SHLD1: variants seen among roughly 807,000 people sequenced by gnomAD.
The protein encoded by SHLD1 is shieldin complex subunit 1.
In SHLD1, 3 loss-of-function variants were observed where a neutral mutation model predicts 5.5. The ratio of observed to expected loss-of-function variants is 0.54; its 90% confidence interval spans 0.25 to 1.40. The LOEUF (loss-of-function observed/expected upper bound fraction) is 1.40, where lower values mean the gene tolerates loss of function less well. Among genes scored for constraint, SHLD1 ranks in the 40% most tolerant of loss-of-function variants. The pLI is 0.15. For missense variants in SHLD1, 210 were observed against 244.4 expected (o/e 0.86, Z 0.94); for synonymous variants, 92 against 94.3 (o/e 0.98, Z 0.14).
intron 2 of SHLD1, chr20:5,773,399 A>G: frequency 5.5e-6 from 3 of 549,906 alleles, no homozygotes; most frequent in Non-Finnish European, 9.7e-6. Context: ...GAAAATAGCA[A>G]TGTGGGCCTG....
chr20:5,772,117 C>T (rs1985200947), intron 1 of SHLD1: 2 of 438,308 alleles, frequency 4.6e-6, no homozygotes, highest in Non-Finnish European at 9.2e-6. Flanking sequence ...CTCAGGTGAT[C>T]CACCCACCTC....
intron 1 of SHLD1, among the ~76,000 whole-genome samples, chr20:5,768,515 C>T (rs1709803947): frequency 6.6e-6 from 1 of 152,216 alleles, no homozygotes; most frequent in African/African-American, 2.4e-5. Flanking sequence ...TGACATTCAC[C>T]TTTGTGTTCC....
chr20:5,777,601 A>T (rs6139827), intron 2 of SHLD1, among the ~76,000 whole-genome samples: 74,513 of 137,806 alleles, frequency 0.54, 18,624 homozygotes, highest in African/African-American at 0.6. Context: ...AAAAAATTTT[A>T]TTTTTTTTTT....
chr20:5,769,413 G>C (rs1252826589), intron 1 of SHLD1, among the ~76,000 whole-genome samples: 1 of 152,196 alleles, frequency 6.6e-6, no homozygotes, highest in African/African-American at 2.4e-5. Flanking sequence ...ATCAATAGCA[G>C]GGGAAAGTAC....
At chr20:5,783,023 C>G in intron 2 of SHLD1, among the ~76,000 whole-genome samples, 1 of 151,576 alleles carries the variant, frequency 6.6e-6, no homozygotes, top group East Asian at 1.9e-4. Context: ...GTCACTAGAC[C>G]AAACCTGAGA....
intron 1 of SHLD1, among the ~76,000 whole-genome samples, chr20:5,763,838 A>G (rs922007375): frequency 3.3e-5 from 5 of 150,804 alleles, no homozygotes; most frequent in African/African-American, 4.9e-5. Context: ...GCCGGGCGCA[A>G]TGGCTCACGC....
intron 1 of SHLD1, among the ~76,000 whole-genome samples, chr20:5,763,167 G>A (rs369165454): frequency 5.6e-4 from 85 of 151,468 alleles, no homozygotes; most frequent in African/African-American, 1.9e-3. Context: ...TTATCCAGGC[G>A]TAGTGGCGCA....
chr20:5,827,200 T>C (rs1442647499), intron 2 of SHLD1, among the ~76,000 whole-genome samples: 1 of 152,180 alleles, frequency 6.6e-6, no homozygotes. Context: ...TCGCAGCAGC[T>C]GTGTGGAGGG....
Position 5,817,523 on chromosome 20 carries a change from A to G in SHLD1, c.178+44480A>G, listed in dbSNP as rs2087552325. ...CATCCAGCCTAAACTCACTAGGGAG[A>G]TTTTTTGAATAGCCTGTACTCTGTA... is the stretch of plus-strand genomic sequence containing the variant. On this transcript the variant is annotated intron_variant, in intron 2 of 2. Transcript: ENST00000303142. Among the ~76,000 whole-genome samples the G allele has an allele frequency of 8.0e-5, 12 of 149,224 alleles. No homozygotes were observed. The South Asian group carries it at 2.5e-3, about 32-fold the overall frequency.
chr20:5,856,684 C>T lies in SHLD1; in HGVS notation c.179-6340C>T, dbSNP rs921273755. On this transcript the variant is annotated intron_variant, in intron 2 of 2. Coordinates refer to ENST00000303142, the MANE Select transcript of SHLD1 (RefSeq NM_152504.4). Reference sequence around the variant, plus strand: ...TTGCTGATAAGTGATCATTGATGACCGGAACATCCCCCACTACTCCCTGGT... The same window carrying T: ...TTGCTGATAAGTGATCATTGATGACTGGAACATCCCCCACTACTCCCTGGT... 5.3e-5 allele frequency among the ~76,000 whole-genome samples: 8 copies of T among 152,236 alleles called. 1 individual carries two copies. The South Asian group carries it at 8.3e-4, about 16-fold the overall frequency.
chr20:5,805,773 G>A (rs955966360), intron 2 of SHLD1, among the ~76,000 whole-genome samples: 16 of 151,890 alleles, frequency 1.1e-4, no homozygotes, highest in African/African-American at 3.6e-4. Context: ...GCTAATTTTT[G>A]TATTTTTGGT....
intron 2 of SHLD1, among the ~76,000 whole-genome samples, chr20:5,834,246 T>C (rs966222781): frequency 1.3e-5 from 2 of 152,216 alleles, no homozygotes; most frequent in Non-Finnish European, 2.9e-5. Flanking sequence ...GGAAGAGTCT[T>C]CCTGCCTTCA....
chr20:5,777,862 A>C (rs1985502614), intron 2 of SHLD1, among the ~76,000 whole-genome samples: 1 of 152,160 alleles, frequency 6.6e-6, no homozygotes, highest in Non-Finnish European at 1.5e-5. Flanking sequence ...TGATAGAACA[A>C]ACACTTTGGA....
At chr20:5,779,450 G>C (rs1346049813) in intron 2 of SHLD1, among the ~76,000 whole-genome samples, 2 of 152,108 alleles carry the variant, frequency 1.3e-5, no homozygotes, top group Admixed American at 6.6e-5. Flanking sequence ...GTAGTTACGG[G>C]TTCTCTCCCC....
At chr20:5,802,539 TG>T (rs2087308938) in intron 2 of SHLD1, among the ~76,000 whole-genome samples, 1 of 152,210 alleles carries the variant, frequency 6.6e-6, no homozygotes, top group Admixed American at 6.5e-5. Flanking sequence ...CCTGGTGCTT[TG>T]TAAGTGTCTG....
At chr20:5,859,077 T>G (rs2088126584) in intron 2 of SHLD1, among the ~76,000 whole-genome samples, 1 of 152,014 alleles carries the variant, frequency 6.6e-6, no homozygotes, top group Non-Finnish European at 1.5e-5. Context: ...ACCATTGTTG[T>G]GGGGTAAAAA....
chr20:5,812,090 CT>C (rs529793893), intron 2 of SHLD1, among the ~76,000 whole-genome samples: 104 of 116,164 alleles, frequency 9.0e-4, no homozygotes, highest in Admixed American at 6.9e-4. Flanking sequence ...CTTTTTTTTT[CT>C]TTTTTTTTTT....
intron 1 of SHLD1, among the ~76,000 whole-genome samples, chr20:5,760,624 A>G (rs1443709464): frequency 1.3e-5 from 2 of 150,942 alleles, no homozygotes; most frequent in Non-Finnish European, 1.5e-5. Flanking sequence ...GCCCGGGAGG[A>G]GGAGGTTGCA....
intron 2 of SHLD1, among the ~76,000 whole-genome samples, chr20:5,857,859 G>A (rs1182444815): frequency 6.6e-6 from 1 of 151,952 alleles, no homozygotes; most frequent in Non-Finnish European, 1.5e-5. Context: ...TAACACTTTG[G>A]GAGGCCAAGG....
Sources: allele counts gnomAD v4.1 joint callset (sites outside exome capture counted in the v4.1 genomes callset), GRCh38; gene constraint gnomAD v4.1.1; transcripts MANE v1.5; gene names NCBI Gene and HGNC (gene_info 2026-07-23, HGNC 2026-07-21).